The following MAGI2 variants were observed in gnomAD, a reference collection of about 807,000 sequenced individuals.
MAGI2 encodes the protein membrane-associated guanylate kinase, WW and PDZ domain-containing protein 2.
Under a neutral mutation model 133.3 loss-of-function variants are expected in MAGI2, and 35 were observed. That is an observed-to-expected ratio of 0.26 (90% CI 0.20 to 0.35). The LOEUF (loss-of-function observed/expected upper bound fraction) is 0.35, where lower values mean the gene tolerates loss of function less well. Ranked by LOEUF, MAGI2 falls within the 10% of genes least tolerant of loss-of-function variation. MAGI2 has a pLI of 1.00. For missense variants in MAGI2, 1,636 were observed against 1,863.4 expected (o/e 0.88, Z 2.25); for synonymous variants, 729 against 710.6 (o/e 1.03, Z -0.41).
chr7:78,720,678 A>G (rs1204609641), intron 2 of MAGI2, among the ~76,000 whole-genome samples: 1 of 152,088 alleles, frequency 6.6e-6, no homozygotes, highest in Non-Finnish European at 1.5e-5. Flanking sequence ...ATGTTTCTAA[A>G]TCATTTGTAC....
chr7:78,722,298 C>T (rs986310010), intron 2 of MAGI2, among the ~76,000 whole-genome samples: 5 of 151,860 alleles, frequency 3.3e-5, no homozygotes, highest in East Asian at 1.9e-4. Flanking sequence ...TGTGAGAAGG[C>T]GATATATCTA....
intron 2 of MAGI2, among the ~76,000 whole-genome samples, chr7:78,734,104 A>C (rs117015413): frequency 0.022 from 3,300 of 152,266 alleles, 69 homozygotes; most frequent in Non-Finnish European, 0.03. Flanking sequence ...TATGAATGAG[A>C]ATTTGGACAA....
chr7:79,377,086 T>G (rs994803111), intron 1 of MAGI2, among the ~76,000 whole-genome samples: 1 of 151,906 alleles, frequency 6.6e-6, no homozygotes, highest in Admixed American at 6.6e-5. Flanking sequence ...ATATTTTTTG[T>G]GTTTTACATT....
chr7:78,159,822 T>G lies in MAGI2; in HGVS notation c.2845+203A>C, dbSNP rs1824789686. The G allele has an allele frequency of 6.4e-6, 3 of 470,494 alleles. No individual in the cohort carries two copies. The East Asian group carries it at 1.0e-4, about 16-fold the overall frequency. The allele number at this position is 470,494 out of a possible 1,614,324, so 29.1% of individuals were successfully genotyped here. On this transcript the variant is annotated intron_variant, in intron 16 of 21. Coordinates refer to ENST00000354212, the MANE Select transcript of MAGI2 (RefSeq NM_012301.4). ...GGAGGAGTTGAGGGCATTAGTTGTG[T>G]TCTTGCCTTCTTCTTGAGCCAGAGG...
intron 2 of MAGI2, among the ~76,000 whole-genome samples, chr7:78,889,415 G>A (rs1432832009): frequency 6.6e-6 from 1 of 152,122 alleles, no homozygotes; most frequent in East Asian, 1.9e-4. Context: ...GCAACTCCAA[G>A]ACACATAATT....
At chr7:78,775,273 A>G (rs1458912621) in intron 2 of MAGI2, among the ~76,000 whole-genome samples, 2 of 136,820 alleles carry the variant, frequency 1.5e-5, no homozygotes, top group Non-Finnish European at 3.1e-5. Context: ...AGATTGTGCC[A>G]TTGCACTCCA....
At chr7:78,563,134 T>A (rs1161419155) in intron 3 of MAGI2, among the ~76,000 whole-genome samples, 1 of 152,054 alleles carries the variant, frequency 6.6e-6, no homozygotes, top group Non-Finnish European at 1.5e-5. Context: ...TATTATAAAT[T>A]GGTAGGAATG....
chr7:79,390,598 G>A (rs982333195), intron 1 of MAGI2, among the ~76,000 whole-genome samples: 10 of 152,078 alleles, frequency 6.6e-5, no homozygotes, highest in East Asian at 1.9e-4. Context: ...GTTGAGTTTC[G>A]AGAGGAGGTG....
rs1023897761 is a variant in MAGI2, at chr7:78,654,701, A to G, written c.419-27462T>C. Reference sequence around the variant, plus strand: ...ATTATTTGTGTGTACTTTTACATATATGTATATATATATATATATATATAT... The same window carrying G: ...ATTATTTGTGTGTACTTTTACATATGTGTATATATATATATATATATATAT... On this transcript the variant is annotated intron_variant, in intron 2 of 21. Transcript: ENST00000354212. 4.7e-4 allele frequency among the ~76,000 whole-genome samples: 22 copies of G among 46,774 alleles called. 1 individual carries two copies. The highest frequency in any genetic ancestry group is 8.0e-4 in the Non-Finnish European group (19 of 23,732). 30.7% of individuals were successfully genotyped at this position (46,774 alleles called of 152,430 possible). A position where few individuals can be genotyped will look rare whatever the true frequency, so the allele number is the denominator to read the frequency against.
At chr7:78,028,848 CAAA>C (rs56201811) in intron 21 of MAGI2, among the ~76,000 whole-genome samples, 2,677 of 84,394 alleles carry the variant, frequency 0.032, 32 homozygotes, top group East Asian at 0.095. Context: ...GACTCCATCT[CAAA>C]AAAAAAAAAA....
intron 1 of MAGI2, among the ~76,000 whole-genome samples, chr7:79,288,034 T>C (rs1229977927): frequency 6.6e-6 from 1 of 152,130 alleles, no homozygotes; most frequent in Admixed American, 6.6e-5. Context: ...AGGGTCTATC[T>C]CACCTATATT....
chr7:78,450,214 A>C (rs1254235709), intron 6 of MAGI2, among the ~76,000 whole-genome samples: 1 of 152,014 alleles, frequency 6.6e-6, no homozygotes, highest in African/African-American at 2.4e-5. Flanking sequence ...GAACAATACA[A>C]AATATTGATG....
chr7:78,694,677 C>G (rs1274590018), intron 2 of MAGI2, among the ~76,000 whole-genome samples: 1 of 152,152 alleles, frequency 6.6e-6, no homozygotes, highest in Non-Finnish European at 1.5e-5. Context: ...ATTGAGACAG[C>G]CACACCTGGA....
intron 1 of MAGI2, among the ~76,000 whole-genome samples, chr7:79,295,257 C>T (rs1411101502): frequency 6.6e-6 from 1 of 152,014 alleles, no homozygotes; most frequent in Non-Finnish European, 1.5e-5. Flanking sequence ...TTTTATATGT[C>T]CTCATGCCCA....
intron 2 of MAGI2, among the ~76,000 whole-genome samples, chr7:78,785,876 C>T (rs140924108): frequency 8.3e-4 from 127 of 152,264 alleles, no homozygotes; most frequent in African/African-American, 2.0e-3. Flanking sequence ...TTTCACTCTC[C>T]GCAAACTCTG....
At chr7:79,113,690 A>G (rs188294331) in intron 1 of MAGI2, among the ~76,000 whole-genome samples, 2 of 152,284 alleles carry the variant, frequency 1.3e-5, no homozygotes, top group African/African-American at 4.8e-5. Context: ...TTCTTGAGCA[A>G]CTAGTTCTAT....
rs1378430216 is a variant in MAGI2 at position 79,012,538 on chromosome 7, A to G, written c.302-5332T>C. ...TTCATTTTATATCTTCTCCCCTCTT[A>G]TATCTTCTTCCACGTCTAAAGCAAT... On this transcript the variant is annotated intron_variant, in intron 1 of 21. Transcript: ENST00000354212. Among the ~76,000 whole-genome samples the G allele has an allele frequency of 2.6e-5, 4 of 152,046 alleles. No homozygotes were observed. In the South Asian group the frequency reaches 6.2e-4, roughly 24 times the overall value.
intron 1 of MAGI2, among the ~76,000 whole-genome samples, chr7:79,108,570 T>C (rs536963081): frequency 7.2e-5 from 11 of 152,370 alleles, no homozygotes; most frequent in Middle Eastern, 3.4e-3. Context: ...TGAATGTTAA[T>C]ACTACCCATC....
chr7:78,611,279 A>G (rs1361304318), intron 3 of MAGI2, among the ~76,000 whole-genome samples: 1 of 152,226 alleles, frequency 6.6e-6, no homozygotes, highest in African/African-American at 2.4e-5. Flanking sequence ...ATAACAGGCC[A>G]TAATCTATCT....
Sources: gnomAD v4.1 joint callset for allele counts (sites outside exome capture counted in the v4.1 genomes callset) on GRCh38, gnomAD v4.1.1 for gene constraint, MANE v1.5 for transcripts, NCBI Gene and HGNC (gene_info 2026-07-23, HGNC 2026-07-21) for gene names.